The following KY variants were observed in gnomAD, a reference collection of about 807,000 sequenced individuals.
KY encodes the protein kyphoscoliosis peptidase.
KY carries 43 observed loss-of-function variants against 76.1 expected under a neutral mutation model. The ratio of observed to expected loss-of-function variants is 0.57; its 90% CI spans 0.44 to 0.73. KY has a LOEUF of 0.73. Among genes scored for constraint, KY ranks in the 30% least tolerant of loss-of-function variants. The pLI is 0.00. For missense variants in KY, 722 were observed against 828.9 expected (o/e 0.87, Z 1.58); for synonymous variants, 277 against 326.2 (o/e 0.85, Z 1.63).
rs1185374079 is a variant in KY, at chr3:134,604,212, G to A, written c.1353C>T (p.Pro451=). ...GVQLPAELHQ[P]VGPSWFSEQM... is the part of the protein sequence containing the mutation. ...GCTCCGAGAACCAGCTGGGGCCCAC[G>A]GGCTGGTGAAGCTCAGCAGGCAGCT... is the stretch of plus-strand genomic sequence containing the variant. Residue 451 remains proline, a synonymous_variant, in exon 11 of 11, where the codon CCC becomes CCT. Transcript: ENST00000423778. 7.4e-6 allele frequency: 12 copies of A among 1,612,834 alleles called. No homozygotes were observed. In the East Asian group the frequency reaches 8.9e-5, roughly 12 times the overall value.
chr3:134,613,387 G>A (rs1039248256), intron 8 of KY, among the ~76,000 whole-genome samples: 5 of 152,186 alleles, frequency 3.3e-5, no homozygotes, highest in Non-Finnish European at 7.3e-5. Flanking sequence ...GAGCAGCAGC[G>A]AGAGCCTGCC....
At position 134,603,833 on chromosome 3, in the gene KY, C is replaced by T; in HGVS notation, c.1732G>A (p.Asp578Asn). 6.2e-7 allele frequency: 1 copy of T among 1,613,990 alleles called. No individual in the cohort carries two copies. The highest frequency in any genetic ancestry group is 1.3e-5 in the African/African-American group (1 of 75,058). ...FPESFGNWGQDNELLEPLSGV... is the reference protein window; with the variant it reads ...FPESFGNWGQNNELLEPLSGV... ...GACAGAGGTTCCAGCAGCTCATTGT[C>T]CTGTCCCCAGTTGCCAAAGCTCTCA... The change falls in exon 11 of 11, where the codon GAC becomes AAC. Residue 578 changes from aspartate to asparagine, a missense_variant. Physicochemically the swap from Asp to Asn is conservative, Grantham distance 23 (BLOSUM62 1). This residue lies in a region of KY where 552 missense variants were observed against 680.9 expected (regional missense o/e 0.81). Coordinates refer to ENST00000423778, the MANE Select transcript of KY (RefSeq NM_178554.6).
intron 8 of KY, among the ~76,000 whole-genome samples, chr3:134,616,884 G>T (rs1961665834): frequency 1.3e-5 from 2 of 152,326 alleles, no homozygotes; most frequent in East Asian, 1.9e-4. Context: ...CCCCCAAACT[G>T]CAGTCTCATT....
intron 3 of KY, among the ~76,000 whole-genome samples, chr3:134,642,553 G>C (rs1012324000): frequency 1.3e-5 from 2 of 152,054 alleles, no homozygotes; most frequent in Non-Finnish European, 2.9e-5. Flanking sequence ...TGATGCCCTT[G>C]CCTGCCTTCC....
chr3:134,613,237 C>G (rs1416835814), intron 8 of KY: 1 of 154,518 alleles, frequency 6.5e-6, no homozygotes, highest in South Asian at 2.0e-4. Flanking sequence ...AGCATTTGTG[C>G]AGCCTCCAGG....
chr3:134,640,258 A>T (rs560835664), intron 3 of KY, among the ~76,000 whole-genome samples: 136 of 152,270 alleles, frequency 8.9e-4, no homozygotes, highest in South Asian at 2.3e-3. Context: ...ACACCACCAG[A>T]TTGGTCCCTG....
At chr3:134,627,990 G>A in intron 4 of KY, 172 bp from the exon 5 acceptor site, 1 of 618,504 alleles carries the variant, frequency 1.6e-6, no homozygotes, top group Non-Finnish European at 2.9e-6. Context: ...GAATTGCCAG[G>A]AACTTCCTGG....
intron 9 of KY, among the ~76,000 whole-genome samples, chr3:134,609,643 C>G (rs1959973541): frequency 6.6e-6 from 1 of 152,174 alleles, no homozygotes; most frequent in Non-Finnish European, 1.5e-5. Flanking sequence ...CAGAAATGCT[C>G]CAGTCCTCTG....
intron 5 of KY, among the ~76,000 whole-genome samples, chr3:134,626,731 C>T (rs564535884): frequency 6.8e-4 from 104 of 152,300 alleles, no homozygotes; most frequent in African/African-American, 2.5e-3. Context: ...GAGGCAATGC[C>T]CACTTATTGG....
intron 5 of KY, among the ~76,000 whole-genome samples, chr3:134,627,331 G>A (rs549482694): frequency 6.6e-6 from 1 of 152,286 alleles, no homozygotes; most frequent in Non-Finnish European, 1.5e-5. Context: ...GCACAGGGAA[G>A]GCAAATGAAG....
intron 8 of KY, 30 bp downstream of exon 8, chr3:134,619,118 G>A: frequency 1.9e-6 from 3 of 1,554,538 alleles, no homozygotes; most frequent in Non-Finnish European, 2.7e-6. Flanking sequence ...TGGGTCCGGT[G>A]GTCAGCATGG....
intron 8 of KY, among the ~76,000 whole-genome samples, chr3:134,617,800 G>A (rs1458365736): frequency 3.9e-5 from 6 of 152,158 alleles, no homozygotes; most frequent in African/African-American, 1.4e-4. Flanking sequence ...GAGCAGGTGT[G>A]CATGCAGAGG....
chr3:134,621,424 T>C (rs1453542976), intron 6 of KY, among the ~76,000 whole-genome samples: 1 of 152,210 alleles, frequency 6.6e-6, no homozygotes, highest in African/African-American at 2.4e-5. Flanking sequence ...ATATCTACGG[T>C]TAGTGGATCT....
chr3:134,626,740 G>T (rs1341476807), intron 5 of KY, among the ~76,000 whole-genome samples: 7 of 152,148 alleles, frequency 4.6e-5, no homozygotes, highest in Non-Finnish European at 8.8e-5. Context: ...CCCACTTATT[G>T]GGGAGCTGAC....
At chr3:134,639,463 C>T (rs150340915) in intron 3 of KY, among the ~76,000 whole-genome samples, 78 of 152,238 alleles carry the variant, frequency 5.1e-4, no homozygotes, top group Non-Finnish European at 7.8e-4. Context: ...CCATTAGGAA[C>T]GGAAAACAAA....
chr3:134,609,268 T>A (rs1959869911), intron 9 of KY, among the ~76,000 whole-genome samples: 1 of 152,176 alleles, frequency 6.6e-6, no homozygotes, highest in South Asian at 2.1e-4. Flanking sequence ...GGGGACCTTT[T>A]GTGGCTCTCC....
intron 2 of KY, among the ~76,000 whole-genome samples, chr3:134,644,283 G>A (rs1286612720): frequency 2.0e-5 from 3 of 152,230 alleles, no homozygotes; most frequent in African/African-American, 4.8e-5. Flanking sequence ...TTCTGTCCCT[G>A]GGACACAGAG....
At chr3:134,635,108 A>G (rs1964746854) in intron 3 of KY, among the ~76,000 whole-genome samples, 1 of 152,260 alleles carries the variant, frequency 6.6e-6, no homozygotes, top group Non-Finnish European at 1.5e-5. Flanking sequence ...AAATGTTTGT[A>G]TAGCAGCTCT....
At chr3:134,608,906 C>G in intron 9 of KY, 67 bp from the exon 10 acceptor site, 1 of 1,528,846 alleles carries the variant, frequency 6.5e-7, no homozygotes, top group Non-Finnish European at 8.8e-7. Context: ...AATACACCCA[C>G]CGGAGTGGTC....
Sources: allele counts gnomAD v4.1 joint callset (sites outside exome capture counted in the v4.1 genomes callset), GRCh38; gene constraint gnomAD v4.1.1; regional missense constraint gnomAD v4.1.1; transcripts MANE v1.5; gene names NCBI Gene and HGNC (gene_info 2026-07-23, HGNC 2026-07-21).